The following CTNNA3 variants were observed in gnomAD, a reference collection of about 807,000 sequenced individuals.
The protein encoded by CTNNA3 is catenin alpha 3.
In CTNNA3, 76 loss-of-function variants were observed where a neutral mutation model predicts 95.7. That is an observed-to-expected ratio of 0.79 (90% CI 0.66 to 0.96). The LOEUF (loss-of-function observed/expected upper bound fraction) is 0.96, where lower values mean the gene tolerates loss of function less well. CTNNA3 is among the 40% of genes least tolerant of loss of function. The pLI, the probability that CTNNA3 is intolerant of heterozygous loss-of-function variation, is 0.00. For synonymous variants in CTNNA3, 431 were observed against 374.4 expected (o/e 1.15, Z -1.74); for missense variants, 1,191 against 1,089.8 (o/e 1.09, Z -1.31).
chr10:67,118,089 C>T (rs1031364966), intron 7 of CTNNA3, among the ~76,000 whole-genome samples: 4 of 151,962 alleles, frequency 2.6e-5, no homozygotes, highest in African/African-American at 9.7e-5. Flanking sequence ...TTTCAGACAA[C>T]AGTGGGCGCA....
intron 15 of CTNNA3, among the ~76,000 whole-genome samples, chr10:66,047,431 C>T (rs1424896057): frequency 1.3e-5 from 2 of 152,144 alleles, no homozygotes; most frequent in East Asian, 1.9e-4. Flanking sequence ...ATTCAACACC[C>T]TTTCATGTTA....
At chr10:66,249,085 A>C (rs1315244233) in intron 13 of CTNNA3, among the ~76,000 whole-genome samples, 2 of 152,156 alleles carry the variant, frequency 1.3e-5, no homozygotes. Flanking sequence ...TGCTGAGAAA[A>C]CTGTATCTCT....
At chr10:67,254,107 C>T (rs1038297514) in intron 5 of CTNNA3, among the ~76,000 whole-genome samples, 28 of 151,962 alleles carry the variant, frequency 1.8e-4, no homozygotes, top group Non-Finnish European at 4.4e-5. Flanking sequence ...CTCTGTTGTC[C>T]TTTTCAGGAT....
chr10:67,732,271 G>A (rs1048386584), intron 1 of CTNNA3, among the ~76,000 whole-genome samples: 3 of 151,902 alleles, frequency 2.0e-5, no homozygotes, highest in Non-Finnish European at 2.9e-5. Context: ...GAGTACTATG[G>A]TATATAAAAC....
chr10:66,135,667 A>T (rs2083308457), intron 13 of CTNNA3, among the ~76,000 whole-genome samples: 1 of 152,218 alleles, frequency 6.6e-6, no homozygotes, highest in Non-Finnish European at 1.5e-5. Flanking sequence ...ATGATCTCTA[A>T]GTATCCTCAA....
intron 12 of CTNNA3, among the ~76,000 whole-genome samples, chr10:66,355,673 T>C (rs1378853955): frequency 6.6e-6 from 1 of 152,050 alleles, no homozygotes; most frequent in African/African-American, 2.4e-5. Flanking sequence ...CTATTATGAC[T>C]TTTCACTCTT....
At chr10:66,151,329 G>A (rs1028038499) in intron 13 of CTNNA3, among the ~76,000 whole-genome samples, 10 of 151,906 alleles carry the variant, frequency 6.6e-5, no homozygotes, top group African/African-American at 1.7e-4. Context: ...ATCTGACATA[G>A]CTTTCAGAGA....
chr10:66,992,319 G>T (rs1438685071), intron 7 of CTNNA3, among the ~76,000 whole-genome samples: 4 of 151,974 alleles, frequency 2.6e-5, no homozygotes, highest in African/African-American at 7.2e-5. Context: ...TTGCACTTCT[G>T]TAAATCAACT....
chr10:66,392,630 C>G (rs1292981483), intron 11 of CTNNA3, among the ~76,000 whole-genome samples: 1 of 151,980 alleles, frequency 6.6e-6, no homozygotes, highest in East Asian at 1.9e-4. Flanking sequence ...AATAAGGACA[C>G]AAAAACATGG....
At chr10:67,754,927 G>A (rs566337144) in intron 1 of CTNNA3, among the ~76,000 whole-genome samples, 1 of 152,110 alleles carries the variant, frequency 6.6e-6, no homozygotes, top group Non-Finnish European at 1.5e-5. Context: ...GCTGGACATG[G>A]TGTCTCAAGC....
At chr10:67,588,209 T>C (rs1842690394) in intron 3 of CTNNA3, among the ~76,000 whole-genome samples, 1 of 147,880 alleles carries the variant, frequency 6.8e-6, no homozygotes, top group Admixed American at 6.7e-5. Flanking sequence ...GATAATTTCT[T>C]TTTTGTTAAG....
At chr10:66,517,443 G>A (rs140466267) in intron 11 of CTNNA3, among the ~76,000 whole-genome samples, 5 of 152,028 alleles carry the variant, frequency 3.3e-5, no homozygotes, top group Admixed American at 6.5e-5. Context: ...TAAAGAAGCC[G>A]GCTAAATCCT....
intron 11 of CTNNA3, among the ~76,000 whole-genome samples, chr10:66,478,359 A>G (rs763713526): frequency 6.6e-6 from 1 of 152,062 alleles, no homozygotes; most frequent in Admixed American, 6.6e-5. Flanking sequence ...ACTTGAAAAT[A>G]TTTAATCAGA....
chr10:66,417,760 A>T (rs2093158758), intron 11 of CTNNA3, among the ~76,000 whole-genome samples: 1 of 151,974 alleles, frequency 6.6e-6, no homozygotes, highest in African/African-American at 2.4e-5. Context: ...AAAATTAAAT[A>T]ACATGCCCCT....
At chr10:66,143,910 G>A (rs1445347573) in intron 13 of CTNNA3, among the ~76,000 whole-genome samples, 18 of 152,216 alleles carry the variant, frequency 1.2e-4, no homozygotes, top group East Asian at 3.9e-4. Flanking sequence ...TCTTGATTTA[G>A]GTGCTTAATT....
chr10:67,443,696 G>A (rs1023575468), intron 5 of CTNNA3, among the ~76,000 whole-genome samples: 1 of 150,028 alleles, frequency 6.7e-6, no homozygotes, highest in Non-Finnish European at 1.5e-5. Flanking sequence ...CTGGATATTA[G>A]CCCTTTGTCA....
chr10:66,136,527 TTA>T (rs570444480), intron 13 of CTNNA3, among the ~76,000 whole-genome samples: 1 of 152,024 alleles, frequency 6.6e-6, no homozygotes, highest in African/African-American at 2.4e-5. Context: ...AAGGTAATTG[TTA>T]TACACACAGC....
chr10:65,935,053 G>A (rs1371180420), intron 17 of CTNNA3, among the ~76,000 whole-genome samples: 1 of 152,074 alleles, frequency 6.6e-6, no homozygotes, highest in Admixed American at 6.6e-5. Flanking sequence ...CAGCTGAAAT[G>A]ATAAGACATG....
At chr10:65,945,895 T>G (rs1589157656) in intron 17 of CTNNA3, among the ~76,000 whole-genome samples, 1 of 152,264 alleles carries the variant, frequency 6.6e-6, no homozygotes, top group East Asian at 1.9e-4. Context: ...CTCACAGAAA[T>G]GAAGAATAAG....
Sources: allele counts gnomAD v4.1 joint callset (sites outside exome capture counted in the v4.1 genomes callset), GRCh38; gene constraint gnomAD v4.1.1; transcripts MANE v1.5; gene names NCBI Gene and HGNC (gene_info 2026-07-23, HGNC 2026-07-21).